Variants in THUMPD2 observed in about 807,000 individuals in gnomAD.
THUMPD2 encodes U6 snRNA (guanine-N(2))-methyltransferase THUMPD2.
In THUMPD2, 56 loss-of-function variants were observed where a neutral mutation model predicts 49.4. The observed-to-expected ratio is 1.13, with a 90% CI of 0.91 to 1.41. THUMPD2 has a LOEUF of 1.41. Ranked by LOEUF, THUMPD2 falls within the 40% of genes most tolerant of loss-of-function variation. The pLI, the probability that THUMPD2 is intolerant of heterozygous loss-of-function variation, is 0.00. For missense variants in THUMPD2, 709 were observed against 594.5 expected, an observed-to-expected ratio of 1.19 and a Z score of -2.00; for synonymous variants, 237 against 205.2, an observed-to-expected ratio of 1.15 and a Z score of -1.32.
At chr2:39,740,710 A>C (rs1673780464) in intron 9 of THUMPD2, among the ~76,000 whole-genome samples, 1 of 151,350 alleles carries the variant, frequency 6.6e-6, no homozygotes, top group African/African-American at 2.4e-5. Flanking sequence ...GTTCATATAC[A>C]CATAATTTCT....
rs146540200 is a variant in THUMPD2, at chr2:39,761,823, A to T, written c.804-405T>A. ...TAGTATGGGAAGTAGAACTGAAGGG[A>T]TGCTAACCCTTAAAATCTGTTTTCT... On this transcript the variant is annotated intron_variant, in intron 5 of 9. Coordinates refer to ENST00000505747, the MANE Select transcript of THUMPD2 (RefSeq NM_025264.5). Among the ~76,000 whole-genome samples, 752 of 152,322 alleles carry T rather than the reference A, an allele frequency of 4.9e-3. 2 individuals carry two copies. Among genetic ancestry groups the T allele is most frequent in the African/African-American group, 0.014 (586 of 41,576 alleles).
At chr2:39,755,271 T>G in intron 8 of THUMPD2, 24 bp downstream of exon 8, 4 of 1,359,854 alleles carry the variant, frequency 2.9e-6, no homozygotes, top group Non-Finnish European at 4.0e-6. Context: ...TTTTCTCAAT[T>G]GTTTTGCATT....
chr2:39,759,822 C>G (rs986420980), intron 6 of THUMPD2, among the ~76,000 whole-genome samples: 2 of 152,072 alleles, frequency 1.3e-5, no homozygotes, highest in Admixed American at 1.3e-4. Context: ...TAGAGATACC[C>G]AGGATAACAG....
intron 5 of THUMPD2, among the ~76,000 whole-genome samples, chr2:39,763,709 C>T (rs1013659170): frequency 1.3e-5 from 2 of 151,920 alleles, no homozygotes; most frequent in Non-Finnish European, 2.9e-5. Context: ...TTTTTGAAAT[C>T]ACAAATCTGA....
intron 5 of THUMPD2, among the ~76,000 whole-genome samples, chr2:39,762,994 C>T (rs926444454): frequency 6.6e-6 from 1 of 151,786 alleles, no homozygotes; most frequent in African/African-American, 2.4e-5. Context: ...GCAAAATTAT[C>T]TCATTACTTC....
intron 9 of THUMPD2, among the ~76,000 whole-genome samples, chr2:39,740,326 A>G (rs1673733244): frequency 6.6e-6 from 1 of 152,238 alleles, no homozygotes; most frequent in African/African-American, 2.4e-5. Context: ...TATAATGTAT[A>G]TTGTAACAAC....
At chr2:39,772,065 T>C (rs772759066) in intron 1 of THUMPD2, among the ~76,000 whole-genome samples, 1 of 152,190 alleles carries the variant, frequency 6.6e-6, no homozygotes, top group Non-Finnish European at 1.5e-5. Context: ...AACATTATAA[T>C]GCACTGACAA....
chr2:39,738,649 T>C lies in THUMPD2; in HGVS notation c.1188-1590A>G, dbSNP rs867629338. ...TATATTTACATATAAATACATAATT[T>C]ATATACATATAAATTATATGTATAT... On this transcript the variant is annotated intron_variant, in intron 9 of 9. Coordinates refer to ENST00000505747, the MANE Select transcript of THUMPD2 (RefSeq NM_025264.5). Among the ~76,000 whole-genome samples the C allele has an allele frequency of 7.2e-5, 9 of 125,240 alleles. No individual in the cohort carries two copies. The South Asian group carries it at 2.3e-3, about 32-fold the overall frequency. The allele number at this position is 125,240 out of a possible 152,430, so 82.2% of individuals were successfully genotyped here.
chr2:39,738,826 T>G (rs1343377977), intron 9 of THUMPD2, among the ~76,000 whole-genome samples: 1 of 151,458 alleles, frequency 6.6e-6, no homozygotes, highest in African/African-American at 2.4e-5. Context: ...CAGGGTAGAG[T>G]GGGGCTGGAA....
At chr2:39,762,224 C>T (rs1676912381) in intron 5 of THUMPD2, among the ~76,000 whole-genome samples, 1 of 152,200 alleles carries the variant, frequency 6.6e-6, no homozygotes, top group Non-Finnish European at 1.5e-5. Flanking sequence ...GTGGGTTTGT[C>T]TTGGGGTTGG....
intron 8 of THUMPD2, among the ~76,000 whole-genome samples, chr2:39,748,582 G>A (rs986694914): frequency 5.9e-5 from 9 of 152,122 alleles, no homozygotes; most frequent in Non-Finnish European, 1.5e-5. Flanking sequence ...CAGCTACTCA[G>A]GAGGCTGAAG....
At chr2:39,776,504 G>C (rs746918619) in intron 1 of THUMPD2, among the ~76,000 whole-genome samples, 1 of 150,692 alleles carries the variant, frequency 6.6e-6, no homozygotes, top group Non-Finnish European at 1.5e-5. Context: ...AGCAATTCTC[G>C]TGCCTCAGCC....
chr2:39,779,223 C>A lies in THUMPD2; in HGVS notation c.17G>T (p.Gly6Val), dbSNP rs1397989479. 2 of 1,498,482 alleles carry A rather than the reference C, an allele frequency of 1.3e-6. No homozygotes were observed. The highest frequency in any genetic ancestry group is 1.2e-5 in the South Asian group (1 of 80,044). The allele number at this position is 1,498,482 out of a possible 1,614,324, so 92.8% of individuals were successfully genotyped here. A position where few individuals can be genotyped will look rare whatever the true frequency, so the allele number is the denominator to read the frequency against. Residue 6 changes from glycine (G) to valine (V), a missense_variant, in exon 1 of 10, where the codon GGA (glycine) becomes GTA (valine). Gly to Val is a moderately radical substitution (Grantham distance 109, BLOSUM62 -3). Transcript: ENST00000505747. MSEAR[G>V]EPGSGPEAGA... ...AGCCTCAGGCCCGGACCCTGGCTCT[C>A]CACGCGCCTCCGACATGGCGGCTCA...
At chr2:39,771,341 A>T (rs572192247) in intron 2 of THUMPD2, among the ~76,000 whole-genome samples, 164 bp downstream of exon 2, 7 of 152,288 alleles carry the variant, frequency 4.6e-5, no homozygotes, top group Admixed American at 4.6e-4. Context: ...ATTCTACTAC[A>T]ATCAGGTGAT....
intron 1 of THUMPD2, among the ~76,000 whole-genome samples, chr2:39,777,133 A>G (rs909160597): frequency 6.6e-6 from 1 of 152,240 alleles, no homozygotes; most frequent in Non-Finnish European, 1.5e-5. Context: ...ACTAAAATTG[A>G]GCACCAACTA....
At chr2:39,748,451 C>T (rs907048943) in intron 8 of THUMPD2, among the ~76,000 whole-genome samples, 3 of 152,164 alleles carry the variant, frequency 2.0e-5, no homozygotes, top group Admixed American at 2.0e-4. Flanking sequence ...GCCTGTAATC[C>T]CAGCACTTTG....
chr2:39,756,339 T>A (rs1485195410), intron 6 of THUMPD2, among the ~76,000 whole-genome samples: 1 of 152,010 alleles, frequency 6.6e-6, no homozygotes, highest in African/African-American at 2.4e-5. Context: ...GAAGTTCTCT[T>A]GTGATTCTAT....
chr2:39,773,976 A>T (rs1002854137), intron 1 of THUMPD2, among the ~76,000 whole-genome samples: 2 of 152,372 alleles, frequency 1.3e-5, no homozygotes, highest in Non-Finnish European at 2.9e-5. Context: ...ACCAATTCCC[A>T]GCCAGGGCTA....
At chr2:39,757,401 A>G in intron 6 of THUMPD2, 1 of 1,303,666 alleles carries the variant, frequency 7.7e-7, no homozygotes, top group Non-Finnish European at 1.0e-6. Context: ...TCTTCAAGAG[A>G]CAGAAGCCTT....
Sources: allele counts gnomAD v4.1 joint callset (sites outside exome capture counted in the v4.1 genomes callset), GRCh38; gene constraint gnomAD v4.1.1; transcripts MANE v1.5; gene names NCBI Gene and HGNC (gene_info 2026-07-23, HGNC 2026-07-21).